PLPPR1: variants seen among roughly 807,000 people sequenced by gnomAD.
The protein encoded by PLPPR1 is phospholipid phosphatase related 1, also known as phospholipid phosphatase-related protein type 1.
PLPPR1 carries 10 observed loss-of-function variants against 33.1 expected under a neutral mutation model. The observed-to-expected ratio is 0.30, with a 90% CI of 0.19 to 0.51. The LOEUF is 0.51. Ranked by LOEUF, PLPPR1 falls within the 20% of genes least tolerant of loss-of-function variation. The probability of loss-of-function intolerance (pLI) is 0.97; values close to 1 mark genes in which losing one functional copy is unlikely to be tolerated. For synonymous variants in PLPPR1, 151 were observed against 151.0 expected (o/e 1.00, Z 0.00); for missense variants, 304 against 408.1 (o/e 0.74, Z 2.20).
At chr9:101,080,068 A>T (rs1588019657) in intron 1 of PLPPR1, among the ~76,000 whole-genome samples, 1 of 152,162 alleles carries the variant, frequency 6.6e-6, no homozygotes, top group South Asian at 2.1e-4. Context: ...TATATCTTCC[A>T]TGTGTAGAAA....
chr9:101,034,934 T>C (rs1829991778), intron 1 of PLPPR1, among the ~76,000 whole-genome samples: 1 of 151,984 alleles, frequency 6.6e-6, no homozygotes, highest in Admixed American at 6.5e-5. Context: ...TAAGCCTAGG[T>C]AGAGTAGACA....
rs938650902 is a variant in PLPPR1 at position 101,289,328 on chromosome 9, T to C, written c.385+3092T>C. On this transcript the variant is annotated intron_variant, in intron 4 of 7. Transcript: ENST00000374874. The stretch of plus-strand genomic sequence containing the variant: ...ACATCTGTTATAGGCACTTCTCATA[T>C]TACTATAATTACTTAAATCTGTTAC... 6.6e-5 allele frequency among the ~76,000 whole-genome samples: 10 copies of C among 152,236 alleles called. 1 individual carries two copies. The highest frequency in any genetic ancestry group is 6.5e-4 in the Admixed American group (10 of 15,284).
intron 4 of PLPPR1, among the ~76,000 whole-genome samples, chr9:101,305,546 T>C (rs776766905): frequency 6.6e-6 from 1 of 152,176 alleles, no homozygotes; most frequent in Non-Finnish European, 1.5e-5. Context: ...AACATGGTCC[T>C]TCCTTTGCTC....
Position 101,180,463 on chromosome 9 carries a change from T to C in PLPPR1, c.-45-4987T>C, listed in dbSNP as rs995232193. Among the ~76,000 whole-genome samples, 4 of 151,550 alleles carry C rather than the reference T, an allele frequency of 2.6e-5. No homozygotes were observed. In the East Asian group the frequency reaches 7.8e-4, roughly 30 times the overall value. On this transcript the variant is annotated intron_variant, in intron 1 of 7. Coordinates refer to ENST00000374874, the MANE Select transcript of PLPPR1 (RefSeq NM_207299.2). The stretch of plus-strand genomic sequence containing the variant: ...AGAGAAAAAAAAGAATAAAACGGAA[T>C]GCATTACACTACCTAACTTAAAAAT...
At chr9:101,048,246 C>T (rs1359441961) in intron 1 of PLPPR1, among the ~76,000 whole-genome samples, 1 of 152,104 alleles carries the variant, frequency 6.6e-6, no homozygotes, top group Non-Finnish European at 1.5e-5. Context: ...GTTCTGTGTC[C>T]AAGAAAACAC....
intron 1 of PLPPR1, among the ~76,000 whole-genome samples, chr9:101,093,175 A>T (rs1219081153): frequency 1.3e-5 from 2 of 152,208 alleles, no homozygotes; most frequent in African/African-American, 4.8e-5. Flanking sequence ...GATAAGAATA[A>T]CAATAGCACT....
At chr9:101,312,739 T>C in intron 5 of PLPPR1, 59 bp from the exon 6 acceptor site, 1 of 1,462,104 alleles carries the variant, frequency 6.8e-7, no homozygotes, top group Non-Finnish European at 9.5e-7. Context: ...CTTGCTTGCA[T>C]GTGTACTCAT....
chr9:101,283,953 T>G (rs1828345402), intron 3 of PLPPR1, among the ~76,000 whole-genome samples: 1 of 152,084 alleles, frequency 6.6e-6, no homozygotes, highest in South Asian at 2.1e-4. Flanking sequence ...CCTGTTAGAA[T>G]GGCTATTATC....
chr9:101,194,065 A>G (rs1826349806), intron 2 of PLPPR1, among the ~76,000 whole-genome samples: 1 of 152,190 alleles, frequency 6.6e-6, no homozygotes, highest in Non-Finnish European at 1.5e-5. Flanking sequence ...ACTATCTGGA[A>G]CTCTGGATAC....
intron 1 of PLPPR1, among the ~76,000 whole-genome samples, chr9:101,082,363 G>A (rs1055121789): frequency 6.6e-6 from 1 of 152,042 alleles, no homozygotes; most frequent in Non-Finnish European, 1.5e-5. Flanking sequence ...CTCTTCTGGT[G>A]AGAGTGAGGG....
chr9:101,203,063 A>C (rs966808333), intron 2 of PLPPR1, among the ~76,000 whole-genome samples: 1 of 152,140 alleles, frequency 6.6e-6, no homozygotes, highest in Non-Finnish European at 1.5e-5. Flanking sequence ...CAAATCATCG[A>C]TTTTTTACAA....
intron 2 of PLPPR1, among the ~76,000 whole-genome samples, chr9:101,186,187 G>T (rs1221015542): frequency 2.6e-5 from 4 of 151,708 alleles, no homozygotes; most frequent in Non-Finnish European, 5.9e-5. Flanking sequence ...TTCTATGTTT[G>T]CTATAGAGGA....
intron 7 of PLPPR1, among the ~76,000 whole-genome samples, chr9:101,323,473 A>ATC (rs1829193343): frequency 1.4e-5 from 2 of 147,836 alleles, no homozygotes; most frequent in Admixed American, 1.3e-4. Flanking sequence ...CTGTCTCAAA[A>ATC]AAAAAAAAAA....
chr9:101,096,802 C>T (rs1164787414), intron 1 of PLPPR1, among the ~76,000 whole-genome samples: 1 of 152,146 alleles, frequency 6.6e-6, no homozygotes, highest in Non-Finnish European at 1.5e-5. Flanking sequence ...CAGTGGTTCA[C>T]ACCTGTAATC....
chr9:101,084,589 A>T lies in PLPPR1; in HGVS notation c.-46+55487A>T, dbSNP rs571383560. Among the ~76,000 whole-genome samples, 4 of 152,356 alleles carry T rather than the reference A, an allele frequency of 2.6e-5. No individual in the cohort carries two copies. The South Asian group carries it at 8.3e-4, about 32-fold the overall frequency. On this transcript the variant is annotated intron_variant, in intron 1 of 7. Transcript: ENST00000374874. Reference sequence around the variant, plus strand: ...GAAAAAAGCGGAAAACCAGAGCTTCATAGAGGGAGTCATGCTTTTCTAATG... The same window carrying T: ...GAAAAAAGCGGAAAACCAGAGCTTCTTAGAGGGAGTCATGCTTTTCTAATG...
chr9:101,315,142 T>C lies in PLPPR1; in HGVS notation c.813+2168T>C, dbSNP rs543608157. On this transcript the variant is annotated intron_variant, in intron 6 of 7. Transcript: ENST00000374874. ...ATTCCATTTATTTTGAAATATACAG[T>C]AAATTATTGTTAATTATTGTCACTC... Among the ~76,000 whole-genome samples the C allele has an allele frequency of 1.2e-3, 179 of 152,324 alleles. 1 individual carries two copies. The highest frequency in any genetic ancestry group is 4.0e-3 in the African/African-American group (167 of 41,576).
chr9:101,194,263 A>G, intron 2 of PLPPR1, among the ~76,000 whole-genome samples: 1 of 152,220 alleles, frequency 6.6e-6, no homozygotes, highest in Non-Finnish European at 1.5e-5. Flanking sequence ...ACATTTTGAC[A>G]TTATTTAGTT....
intron 1 of PLPPR1, among the ~76,000 whole-genome samples, chr9:101,109,108 G>GCCA (rs1354179886): frequency 6.8e-6 from 1 of 146,378 alleles, no homozygotes; most frequent in Non-Finnish European, 1.5e-5. Context: ...ACAGGCGCCC[G>GCCA]CCACCACGCC....
chr9:101,275,860 G>A (rs779833531), intron 3 of PLPPR1, among the ~76,000 whole-genome samples: 3 of 152,098 alleles, frequency 2.0e-5, no homozygotes, highest in African/African-American at 4.8e-5. Context: ...GCAAGTGTGC[G>A]CGCATGCATT....
Sources: allele counts gnomAD v4.1 joint callset (sites outside exome capture counted in the v4.1 genomes callset), GRCh38; gene constraint gnomAD v4.1.1; transcripts MANE v1.5; gene names NCBI Gene and HGNC (gene_info 2026-07-23, HGNC 2026-07-21).